Variants in G3BP1 observed in about 807,000 individuals in gnomAD.
G3BP1 encodes G3BP stress granule assembly factor 1.
In G3BP1, 35 loss-of-function variants were observed where a neutral mutation model predicts 58.6. That is an observed-to-expected ratio of 0.60 (90% CI 0.46 to 0.79). The LOEUF is 0.79. Among genes scored for constraint, G3BP1 ranks in the 30% least tolerant of loss-of-function variants. The pLI is 0.00. For missense variants in G3BP1, 523 were observed against 580.8 expected (o/e 0.90, Z 1.02); for synonymous variants, 191 against 195.4 (o/e 0.98, Z 0.19).
intron 5 of G3BP1, among the ~76,000 whole-genome samples, chr5:151,795,096 T>C (rs1346580832): frequency 1.3e-5 from 2 of 152,254 alleles, no homozygotes; most frequent in East Asian, 3.9e-4. Context: ...GCTAACATGG[T>C]GAAACCCCAT....
At chr5:151,791,915 C>T (rs948312787) in intron 4 of G3BP1, 13 of 347,684 alleles carry the variant, frequency 3.7e-5, no homozygotes, top group South Asian at 6.7e-5. Context: ...CCTCAGCCTC[C>T]GAAAGTGGGA....
chr5:151,794,344 T>A, intron 5 of G3BP1, 95 bp downstream of exon 5: 1 of 706,006 alleles, frequency 1.4e-6, no homozygotes, highest in Middle Eastern at 3.2e-4. Context: ...CTGTTTTCAT[T>A]ACACTCTGTT....
At position 151,787,017 on chromosome 5, in the gene G3BP1, ATT is replaced by A. The variant is rs1184904343; in HGVS notation, c.95+321_95+322del. On this transcript the variant is annotated intron_variant, in intron 2 of 11. Transcript: ENST00000356245. Reference sequence around the variant, plus strand: ...ACAACCATGCCCGGCTAATTTTTGTATTTTTTTTTTTTTTTTTTTTAAGTAGA... The same window carrying A: ...ACAACCATGCCCGGCTAATTTTTGTATTTTTTTTTTTTTTTTTTAAGTAGA... 4.6e-3 allele frequency: 530 copies of A among 116,338 alleles called. 4 individuals carry two copies. The highest frequency in any genetic ancestry group is 0.021 in the East Asian group (85 of 4,076). The allele number at this position is 116,338 out of a possible 1,614,324, so 7.2% of individuals were successfully genotyped here.
At chr5:151,788,650 G>A (rs768080644) in intron 2 of G3BP1, among the ~76,000 whole-genome samples, 2 of 142,156 alleles carry the variant, frequency 1.4e-5, no homozygotes, top group South Asian at 2.4e-4. Context: ...GTGGAGTCTC[G>A]CTCTGTCACC....
At chr5:151,783,676 C>T (rs1292806986) in intron 1 of G3BP1, among the ~76,000 whole-genome samples, 1 of 151,784 alleles carries the variant, frequency 6.6e-6, no homozygotes, top group Non-Finnish European at 1.5e-5. Context: ...CAGGCGCCAG[C>T]CCCAATTTTT....
rs1762918654 is a variant in G3BP1 at position 151,805,047 on chromosome 5, T to G, written c.*956T>G. ...ATATTTGTTATGCCTTATTCTAAAA[T>G]TGAGTCTCAAACTGGAATGCCTTTG... On this transcript the variant is annotated 3_prime_UTR_variant, in exon 12 of 12. Coordinates refer to ENST00000356245, the MANE Select transcript of G3BP1 (RefSeq NM_005754.3). 6.6e-6 allele frequency: 1 copy of G among 152,594 alleles called. No individual in the cohort carries two copies. 9.5% of individuals were successfully genotyped at this position (152,594 alleles called of 1,614,324 possible).
intron 4 of G3BP1, among the ~76,000 whole-genome samples, chr5:151,792,597 T>C (rs1416939625): frequency 6.6e-6 from 1 of 152,218 alleles, no homozygotes; most frequent in African/African-American, 2.4e-5. Flanking sequence ...AGGTATATGT[T>C]GATATCTTTC....
intron 1 of G3BP1, among the ~76,000 whole-genome samples, chr5:151,779,076 T>G (rs959046796): frequency 6.6e-6 from 1 of 152,006 alleles, no homozygotes; most frequent in African/African-American, 2.4e-5. Context: ...AGTCAATCAA[T>G]CAGGTAAATG....
chr5:151,795,687 T>A (rs1762737137), intron 6 of G3BP1, 112 bp downstream of exon 6: 1 of 571,264 alleles, frequency 1.8e-6, no homozygotes, highest in Non-Finnish European at 3.2e-6. Context: ...AAATAATAAT[T>A]TCTCAGAAGA....
At position 151,784,042 on chromosome 5, in the gene G3BP1, G is replaced by A. The variant is rs1762516796; in HGVS notation, c.-49-2530G>A. ...TCCGAAAGTGCTGGAATTAACAGGC[G>A]TGAGCCACCACACCTGGCCAACATT... On this transcript the variant is annotated intron_variant, in intron 1 of 11. Coordinates refer to ENST00000356245, the MANE Select transcript of G3BP1 (RefSeq NM_005754.3). Among the ~76,000 whole-genome samples, 3 of 152,134 alleles carry A rather than the reference G, an allele frequency of 2.0e-5. No individual in the cohort carries two copies. In the South Asian group the frequency reaches 6.2e-4, roughly 31 times the overall value.
chr5:151,812,203 A>G lies in G3BP1; in HGVS notation c.*8112A>G, dbSNP rs568781518. The stretch of plus-strand genomic sequence containing the variant: ...CTTACCTGTAACAGACTCCACAGTC[A>G]TGCTGGCATTGTGACCTGAAGAATT... On this transcript the variant is annotated 3_prime_UTR_variant, in exon 12 of 12. Transcript: ENST00000356245. 1 of 152,334 alleles carries G rather than the reference A, an allele frequency of 6.6e-6. No homozygotes were observed. The highest frequency in any genetic ancestry group is 1.5e-5 in the Non-Finnish European group (1 of 68,020). The allele number at this position is 152,334 out of a possible 1,614,324, so 9.4% of individuals were successfully genotyped here. A position where few individuals can be genotyped will look rare whatever the true frequency, so the allele number is the denominator to read the frequency against.
chr5:151,800,672 A>G (rs1762834812), intron 10 of G3BP1, 88 bp from the exon 11 acceptor site: 2 of 810,610 alleles, frequency 2.5e-6, no homozygotes, highest in Admixed American at 3.6e-5. Flanking sequence ...AGTCACATGC[A>G]TCTAGTGGCT....
Position 151,800,030 on chromosome 5 carries a change from T to A in G3BP1, c.955+30T>A, listed in dbSNP as rs375404098. The A allele has an allele frequency of 9.1e-6, 13 of 1,428,868 alleles. No individual in the cohort carries two copies. The African/African-American group carries it at 1.6e-4, about 17-fold the overall frequency. The allele number at this position is 1,428,868 out of a possible 1,614,324, so 88.5% of individuals were successfully genotyped here. On this transcript the variant is annotated intron_variant, in intron 9 of 11. Transcript: ENST00000356245. ...GAGCTCAGAAGGGCGATTTCTCGTT[T>A]GGGGGATTTTGAGGTGAGAGCTTAT...
chr5:151,774,393 A>G (rs1258480456), intron 1 of G3BP1, among the ~76,000 whole-genome samples: 1 of 151,934 alleles, frequency 6.6e-6, no homozygotes, highest in Admixed American at 6.6e-5. Context: ...AGTGAACGGC[A>G]GAAGGCAGTT....
chr5:151,779,704 G>C (rs1762434988), intron 1 of G3BP1, among the ~76,000 whole-genome samples: 1 of 152,182 alleles, frequency 6.6e-6, no homozygotes. Flanking sequence ...GTCTTGGTTT[G>C]CCAGGGACAG....
intron 8 of G3BP1, 151 bp from the exon 9 acceptor site, chr5:151,799,738 G>A (rs917954508): frequency 6.7e-6 from 4 of 600,162 alleles, no homozygotes; most frequent in South Asian, 4.4e-5. Flanking sequence ...CATATAGGAC[G>A]GAAGAGAAGG....
intron 11 of G3BP1, 110 bp downstream of exon 11, chr5:151,800,979 C>A: frequency 3.4e-6 from 2 of 591,636 alleles, no homozygotes; most frequent in South Asian, 2.3e-5. Context: ...TTTATTCCAA[C>A]ATGTTCAGGT....
intron 9 of G3BP1, 26 bp from the exon 10 acceptor site, chr5:151,800,192 C>A: frequency 6.2e-7 from 1 of 1,608,308 alleles, no homozygotes; most frequent in South Asian, 1.1e-5. Context: ...TCTTGTCTTT[C>A]ATTGATGTTT....
At chr5:151,784,071 T>A (rs563563188) in intron 1 of G3BP1, among the ~76,000 whole-genome samples, 18 of 152,270 alleles carry the variant, frequency 1.2e-4, no homozygotes, top group African/African-American at 2.9e-4. Flanking sequence ...CAACATTTTT[T>A]AATTTATTTA....
Sources: gnomAD v4.1 joint callset for allele counts (sites outside exome capture counted in the v4.1 genomes callset) on GRCh38, gnomAD v4.1.1 for gene constraint, MANE v1.5 for transcripts, NCBI Gene and HGNC (gene_info 2026-07-23, HGNC 2026-07-21) for gene names.